Variants in ADARB2 observed in about 807,000 individuals in gnomAD.
ADARB2 encodes the protein inactive double-stranded RNA-specific editase B2.
Under a neutral mutation model 62.2 loss-of-function variants are expected in ADARB2, and 25 were observed. That is an observed-to-expected ratio of 0.40 (90% CI 0.29 to 0.56). The LOEUF (loss-of-function observed/expected upper bound fraction) is 0.56. ADARB2 is among the 20% of genes least tolerant of loss of function. The pLI, the probability that ADARB2 is intolerant of heterozygous loss-of-function variation, is 0.43. For synonymous variants in ADARB2, 572 were observed against 500.8 expected (o/e 1.14, Z -1.90); for missense variants, 1,071 against 1,077.4 (o/e 0.99, Z 0.08).
intron 3 of ADARB2, among the ~76,000 whole-genome samples, chr10:1,320,504 A>T (rs192578355): frequency 6.6e-4 from 101 of 152,334 alleles, no homozygotes; most frequent in African/African-American, 2.3e-3. Flanking sequence ...TCCTTGGTGA[A>T]GGCAAAGTGC....
At chr10:1,366,599 A>G (rs1019894772) in intron 2 of ADARB2, among the ~76,000 whole-genome samples, 4 of 152,014 alleles carry the variant, frequency 2.6e-5, no homozygotes, top group African/African-American at 9.7e-5. Flanking sequence ...GAGGTTGCAG[A>G]GTTTATTAGT....
At chr10:1,379,036 G>A (rs367969516) in intron 2 of ADARB2, 38 bp downstream of exon 2, 5 of 1,561,116 alleles carry the variant, frequency 3.2e-6, no homozygotes, top group Non-Finnish European at 4.4e-6. Context: ...AAAGGATACA[G>A]GGGCCTTTGT....
At chr10:1,544,454 C>T (rs922231852) in intron 1 of ADARB2, among the ~76,000 whole-genome samples, 3 of 152,294 alleles carry the variant, frequency 2.0e-5, no homozygotes, top group East Asian at 1.9e-4. Context: ...TCACACGGGA[C>T]GTGGACTAGC....
intron 1 of ADARB2, among the ~76,000 whole-genome samples, chr10:1,510,245 A>G (rs1460236034): frequency 6.6e-6 from 1 of 151,224 alleles, no homozygotes; most frequent in Non-Finnish European, 1.5e-5. Context: ...CAGTGGCACA[A>G]TCTCGGCTCA....
At chr10:1,242,798 C>G (rs1830940354) in intron 4 of ADARB2, among the ~76,000 whole-genome samples, 1 of 152,102 alleles carries the variant, frequency 6.6e-6, no homozygotes, top group South Asian at 2.1e-4. Flanking sequence ...ATGAACCTGT[C>G]ATACTAACAC....
At chr10:1,609,343 T>G (rs1217912377) in intron 1 of ADARB2, among the ~76,000 whole-genome samples, 3 of 152,192 alleles carry the variant, frequency 2.0e-5, no homozygotes, top group Non-Finnish European at 2.9e-5. Flanking sequence ...TCACAGCGGG[T>G]TTGTCTCCCT....
At chr10:1,596,512 G>C (rs1011328597) in intron 1 of ADARB2, among the ~76,000 whole-genome samples, 1 of 152,238 alleles carries the variant, frequency 6.6e-6, no homozygotes, top group Non-Finnish European at 1.5e-5. Flanking sequence ...GCAACCCCCT[G>C]CACTAAGAGC....
chr10:1,261,855 T>C (rs1336667491), intron 4 of ADARB2, among the ~76,000 whole-genome samples: 1 of 149,848 alleles, frequency 6.7e-6, no homozygotes, highest in Non-Finnish European at 1.5e-5. Context: ...ATGTTTATTG[T>C]GGCATTATTC....
At chr10:1,460,864 CG>C (rs1489104976) in intron 1 of ADARB2, among the ~76,000 whole-genome samples, 3,260 of 86,864 alleles carry the variant, frequency 0.038, 321 homozygotes, top group African/African-American at 0.12. Flanking sequence ...ACCTGTGTAA[CG>C]AACCTGCCTG....
intron 1 of ADARB2, among the ~76,000 whole-genome samples, chr10:1,401,668 C>G (rs974439800): frequency 3.9e-5 from 6 of 152,184 alleles, no homozygotes; most frequent in Admixed American, 3.9e-4. Context: ...TACCGAAGAG[C>G]GGCGGCTTCA....
intron 3 of ADARB2, among the ~76,000 whole-genome samples, chr10:1,347,895 C>G (rs568626989): frequency 1.3e-4 from 19 of 151,918 alleles, no homozygotes; most frequent in African/African-American, 4.6e-4. Context: ...GATACAGGAA[C>G]AGAGAGGGAT....
At chr10:1,638,329 T>A (rs1316431335) in intron 1 of ADARB2, among the ~76,000 whole-genome samples, 1 of 152,222 alleles carries the variant, frequency 6.6e-6, no homozygotes, top group Non-Finnish European at 1.5e-5. Flanking sequence ...AGAAGTTAAT[T>A]TAAATGCTAA....
chr10:1,453,446 A>G (rs1040117930), intron 1 of ADARB2, among the ~76,000 whole-genome samples: 1 of 152,134 alleles, frequency 6.6e-6, no homozygotes, highest in Non-Finnish European at 1.5e-5. Context: ...TATATGGTGT[A>G]ATGTAAGGGT....
chr10:1,397,000 G>C (rs11250491), intron 1 of ADARB2, among the ~76,000 whole-genome samples: 267 of 18,626 alleles, frequency 0.014, no homozygotes, highest in Middle Eastern at 0.1. Context: ...CTCCCGAGTG[G>C]AGGCTTCCTG....
intron 1 of ADARB2, among the ~76,000 whole-genome samples, chr10:1,568,536 GAAGA>G (rs1186093774): frequency 6.7e-6 from 1 of 149,784 alleles, no homozygotes; most frequent in Non-Finnish European, 1.5e-5. Context: ...AAAGATGAAA[GAAGA>G]AAGAAAAGAA....
Position 1,623,922 on chromosome 10 carries a change from G to T in ADARB2, c.100+113129C>A, listed in dbSNP as rs527537220. Among the ~76,000 whole-genome samples, 72 of 152,326 alleles carry T rather than the reference G, an allele frequency of 4.7e-4. 1 individual carries two copies. Among genetic ancestry groups the T allele is most frequent in the African/African-American group, 1.7e-3 (69 of 41,564 alleles). Reference sequence around the variant, plus strand: ...GAAATGATTTGGCCAAGGTAGCTCAGCTGGTGAAAGAGATTCAGGGTAAGA... The same window carrying T: ...GAAATGATTTGGCCAAGGTAGCTCATCTGGTGAAAGAGATTCAGGGTAAGA... On this transcript the variant is annotated intron_variant, in intron 1 of 9. Transcript: ENST00000381312.
chr10:1,733,006 C>G (rs1835253001), intron 1 of ADARB2, among the ~76,000 whole-genome samples: 3 of 152,230 alleles, frequency 2.0e-5, no homozygotes, highest in Admixed American at 2.0e-4. Context: ...TTCTAAAACT[C>G]TGTATAACCA....
intron 3 of ADARB2, among the ~76,000 whole-genome samples, chr10:1,337,441 A>G (rs1050965603): frequency 3.3e-5 from 5 of 152,178 alleles, no homozygotes; most frequent in African/African-American, 7.2e-5. Flanking sequence ...CAGTGATGCC[A>G]TTGAAATGCT....
intron 3 of ADARB2, among the ~76,000 whole-genome samples, chr10:1,326,836 C>T (rs1418321680): frequency 1.0e-4 from 9 of 90,340 alleles, no homozygotes; most frequent in South Asian, 4.3e-4. Context: ...CAGCGCCTCC[C>T]CACGGCCCAG....
Sources: allele counts gnomAD v4.1 joint callset (sites outside exome capture counted in the v4.1 genomes callset), GRCh38; gene constraint gnomAD v4.1.1; transcripts MANE v1.5; gene names NCBI Gene and HGNC (gene_info 2026-07-23, HGNC 2026-07-21).